RANBP2: variants seen among roughly 807,000 people sequenced by gnomAD.
RANBP2 encodes the protein RAN binding protein 2.
In RANBP2, 57 loss-of-function variants were observed where a neutral mutation model predicts 303.6. That is an observed-to-expected ratio of 0.19 (90% CI 0.15 to 0.23). The LOEUF (loss-of-function observed/expected upper bound fraction) is 0.23, where lower values mean the gene tolerates loss of function less well. Ranked by LOEUF, RANBP2 falls within the 10% of genes least tolerant of loss-of-function variation. The pLI, the probability that RANBP2 is intolerant of heterozygous loss-of-function variation, is 1.00. For synonymous variants in RANBP2, 1,167 were observed against 1,301.5 expected (o/e 0.90, Z 2.23); for missense variants, 3,138 against 3,780.8 (o/e 0.83, Z 4.46).
chr2:109,604,161 C>CAA, the RANBP2 span, among the ~76,000 whole-genome samples: 326 of 58,666 alleles, frequency 5.6e-3, 6 homozygotes, highest in African/African-American at 0.021. Context: ...GACTCTGCCT[C>CAA]AAAAAAAAAA....
At chr2:108,817,385 C>T in the RANBP2 span, among the ~76,000 whole-genome samples, 6 of 152,020 alleles carry the variant, frequency 3.9e-5, no homozygotes, top group African/African-American at 7.3e-5. Context: ...CTCCACCTCC[C>T]GGGTTCAAGT....
the RANBP2 span, among the ~76,000 whole-genome samples, chr2:109,408,899 C>T: frequency 2.0e-5 from 3 of 152,136 alleles, no homozygotes; most frequent in Middle Eastern, 3.2e-3. Flanking sequence ...AGGCAACAGG[C>T]GAGTGAGAGC....
chr2:109,009,762 G>A, the RANBP2 span, among the ~76,000 whole-genome samples: 2 of 147,316 alleles, frequency 1.4e-5, no homozygotes, highest in East Asian at 4.0e-4. Flanking sequence ...ACCCAGGCTG[G>A]TCTCAAAGTC....
At chr2:109,701,052 G>T in the RANBP2 span, among the ~76,000 whole-genome samples, 1 of 152,182 alleles carries the variant, frequency 6.6e-6, no homozygotes, top group Admixed American at 6.5e-5. Context: ...TGCAGGAGAC[G>T]CGTTCACAGG....
chr2:109,182,236 C>T, the RANBP2 span, among the ~76,000 whole-genome samples: 4 of 152,176 alleles, frequency 2.6e-5, no homozygotes, highest in African/African-American at 9.7e-5. Flanking sequence ...ATGGCGCTGG[C>T]ATTTGGTGAG....
At chr2:109,687,716 C>A in the RANBP2 span, among the ~76,000 whole-genome samples, 203 of 151,792 alleles carry the variant, frequency 1.3e-3, no homozygotes, top group African/African-American at 4.1e-3. Flanking sequence ...ACAGAACTGC[C>A]TTCCAAAGTT....
chr2:108,948,602 C>G, the RANBP2 span, among the ~76,000 whole-genome samples: 2 of 152,198 alleles, frequency 1.3e-5, no homozygotes, highest in African/African-American at 4.8e-5. Flanking sequence ...CAAGGCACGT[C>G]TCACATGGTG....
At chr2:109,584,346 G>A in the RANBP2 span, among the ~76,000 whole-genome samples, 9 of 151,832 alleles carry the variant, frequency 5.9e-5, no homozygotes, top group Non-Finnish European at 1.0e-4. Flanking sequence ...GTGGTGGCAG[G>A]TGCCTGTAAT....
the RANBP2 span, among the ~76,000 whole-genome samples, chr2:109,204,635 C>A: frequency 6.6e-6 from 1 of 152,248 alleles, no homozygotes; most frequent in Non-Finnish European, 1.5e-5. Flanking sequence ...CCAGGTGTGA[C>A]AACCCACACA....
At chr2:109,649,329 G>A in the RANBP2 span, among the ~76,000 whole-genome samples, 3 of 152,136 alleles carry the variant, frequency 2.0e-5, no homozygotes, top group Non-Finnish European at 1.5e-5. Flanking sequence ...TATGAGGTAT[G>A]TGTTCCTGAA....
At chr2:109,703,412 C>T in the RANBP2 span, among the ~76,000 whole-genome samples, 4 of 152,146 alleles carry the variant, frequency 2.6e-5, no homozygotes, top group South Asian at 2.1e-4. Context: ...TAAAAAACCA[C>T]GTTTTTATTT....
chr2:108,793,090 G>T, the RANBP2 span, among the ~76,000 whole-genome samples: 1 of 146,232 alleles, frequency 6.8e-6, no homozygotes, highest in Non-Finnish European at 1.5e-5. Context: ...GGGCACGGTG[G>T]CTCGTGCCTG....
the RANBP2 span, among the ~76,000 whole-genome samples, chr2:109,111,062 C>A: frequency 6.6e-6 from 1 of 152,112 alleles, no homozygotes; most frequent in Non-Finnish European, 1.5e-5. Flanking sequence ...ACTAGCAGTA[C>A]CCTAGCTAGT....
chr2:109,064,584 T>C, the RANBP2 span, among the ~76,000 whole-genome samples: 1 of 152,082 alleles, frequency 6.6e-6, no homozygotes, highest in Non-Finnish European at 1.5e-5. Context: ...TTAAATGTGC[T>C]GTAATGGAAA....
the RANBP2 span, among the ~76,000 whole-genome samples, chr2:109,498,392 C>T: frequency 1.3e-5 from 2 of 152,186 alleles, no homozygotes; most frequent in African/African-American, 4.8e-5. Flanking sequence ...CTGGTGCAAG[C>T]TGGGCCTGTG....
chr2:109,408,338 C>T, the RANBP2 span, among the ~76,000 whole-genome samples: 5 of 152,172 alleles, frequency 3.3e-5, no homozygotes, highest in Non-Finnish European at 7.3e-5. Flanking sequence ...CCCATGATGG[C>T]CCTGGACGGG....
At chr2:109,683,673 C>G in the RANBP2 span, among the ~76,000 whole-genome samples, 2 of 152,108 alleles carry the variant, frequency 1.3e-5, no homozygotes. Flanking sequence ...TAAGCACACT[C>G]TCTGTCTGGC....
chr2:109,562,101 T>C, the RANBP2 span, among the ~76,000 whole-genome samples: 1 of 151,898 alleles, frequency 6.6e-6, no homozygotes, highest in Non-Finnish European at 1.5e-5. Flanking sequence ...TAGTCCCAGC[T>C]ACTCAGGAGG....
chr2:109,716,570 G>C, the RANBP2 span, among the ~76,000 whole-genome samples: 831 of 144,432 alleles, frequency 5.8e-3, 5 homozygotes, highest in Non-Finnish European at 8.6e-3. Context: ...TTTTGAGACA[G>C]GGTCTCACTC....
Sources: gnomAD v4.1 joint callset for allele counts (sites outside exome capture counted in the v4.1 genomes callset) on GRCh38, gnomAD v4.1.1 for gene constraint, MANE v1.5 for transcripts, NCBI Gene and HGNC (gene_info 2026-07-23, HGNC 2026-07-21) for gene names.